The following SPAG17 variants were observed in gnomAD, a reference collection of about 807,000 sequenced individuals.
SPAG17 encodes sperm associated antigen 17.
SPAG17 carries 169 observed loss-of-function variants against 273.6 expected under a neutral mutation model. That is an observed-to-expected ratio of 0.62 (90% CI 0.55 to 0.70). The LOEUF (loss-of-function observed/expected upper bound fraction) is 0.70, where lower values mean the gene tolerates loss of function less well. Ranked by LOEUF, SPAG17 falls within the 30% of genes least tolerant of loss-of-function variation. SPAG17 has a pLI of 0.00. For synonymous variants in SPAG17, 825 were observed against 873.2 expected, an observed-to-expected ratio of 0.94 and a Z score of 0.97; for missense variants, 2,557 against 2,627.8, an observed-to-expected ratio of 0.97 and a Z score of 0.59.
At chr1:117,958,237 C>T (rs1652504370) in intron 48 of SPAG17, among the ~76,000 whole-genome samples, 1 of 152,210 alleles carries the variant, frequency 6.6e-6, no homozygotes, top group African/African-American at 2.4e-5. Context: ...TTCTTATACT[C>T]TATCCAGGAT....
At chr1:118,145,516 G>T (rs1658927044) in intron 3 of SPAG17, among the ~76,000 whole-genome samples, 2 of 152,060 alleles carry the variant, frequency 1.3e-5, no homozygotes, top group South Asian at 4.1e-4. Context: ...TAGATCTGAA[G>T]ATCTAATTTG....
intron 28 of SPAG17, among the ~76,000 whole-genome samples, chr1:118,017,406 A>T (rs1660081501): frequency 6.6e-6 from 1 of 152,160 alleles, no homozygotes; most frequent in Non-Finnish European, 1.5e-5. Context: ...GTATACACAG[A>T]CAACTACTAG....
chr1:117,955,114 T>C, intron 48 of SPAG17: 1 of 473,444 alleles, frequency 2.1e-6, no homozygotes, highest in Non-Finnish European at 3.7e-6. Context: ...CTGGCTTGAC[T>C]TGTAGCATAG....
chr1:118,023,243 C>T (rs571239524), intron 28 of SPAG17, 61 bp downstream of exon 28: 8 of 1,296,670 alleles, frequency 6.2e-6, no homozygotes, highest in African/African-American at 4.5e-5. Flanking sequence ...ATATTGAACA[C>T]TTATTAAGCC....
chr1:118,171,053 T>G (rs908482410), intron 1 of SPAG17, among the ~76,000 whole-genome samples: 1 of 152,210 alleles, frequency 6.6e-6, no homozygotes, highest in Admixed American at 6.5e-5. Flanking sequence ...TAAAGGGCTC[T>G]TTTAAAAACC....
At chr1:118,079,300 T>C (rs1314883418) in intron 15 of SPAG17, among the ~76,000 whole-genome samples, 1 of 152,086 alleles carries the variant, frequency 6.6e-6, no homozygotes, top group Non-Finnish European at 1.5e-5. Flanking sequence ...ATTGGTAAGT[T>C]ATTCTTTTCC....
chr1:118,132,092 G>A (rs1658084054), intron 3 of SPAG17, among the ~76,000 whole-genome samples: 1 of 152,222 alleles, frequency 6.6e-6, no homozygotes, highest in African/African-American at 2.4e-5. Context: ...GCTGTGCCCA[G>A]CAGTGGAGGT....
At chr1:118,112,430 A>G (rs1656822829) in intron 4 of SPAG17, among the ~76,000 whole-genome samples, 1 of 152,102 alleles carries the variant, frequency 6.6e-6, no homozygotes, top group Non-Finnish European at 1.5e-5. Flanking sequence ...TTATTAACAG[A>G]TAGAAATAAA....
chr1:118,015,007 G>C (rs1008151141), intron 29 of SPAG17, among the ~76,000 whole-genome samples: 2 of 152,144 alleles, frequency 1.3e-5, no homozygotes, highest in African/African-American at 4.8e-5. Flanking sequence ...ATAGAGGGCC[G>C]GGCGTGGTGG....
chr1:118,034,913 A>G (rs1305759998), intron 24 of SPAG17, among the ~76,000 whole-genome samples: 1 of 152,192 alleles, frequency 6.6e-6, no homozygotes, highest in Admixed American at 6.5e-5. Context: ...GCAAGAAGGT[A>G]CAAAGTAATG....
intron 28 of SPAG17, among the ~76,000 whole-genome samples, chr1:118,018,620 C>T (rs948310484): frequency 2.0e-5 from 3 of 151,508 alleles, no homozygotes; most frequent in African/African-American, 7.3e-5. Context: ...ATTGCTTAAG[C>T]CCAAGAGTTT....
At chr1:118,063,947 A>G (rs1391251158) in intron 18 of SPAG17, among the ~76,000 whole-genome samples, 1 of 152,220 alleles carries the variant, frequency 6.6e-6, no homozygotes, top group Non-Finnish European at 1.5e-5. Context: ...ACACTTCTCA[A>G]AAGAAGACAT....
chr1:118,113,116 CAT>C (rs1380013837), intron 4 of SPAG17, among the ~76,000 whole-genome samples: 1 of 151,930 alleles, frequency 6.6e-6, no homozygotes, highest in Non-Finnish European at 1.5e-5. Flanking sequence ...AAAAATTAAA[CAT>C]AGAAGATACA....
At chr1:118,129,522 T>C (rs1657935997) in intron 3 of SPAG17, among the ~76,000 whole-genome samples, 1 of 152,164 alleles carries the variant, frequency 6.6e-6, no homozygotes, top group South Asian at 2.1e-4. Context: ...TTGTACCTGG[T>C]TTCTTATGTG....
rs1016475158 is a variant in SPAG17 at position 118,154,576 on chromosome 1, A to G, written c.88-3207T>C. On this transcript the variant is annotated intron_variant, in intron 1 of 48. Transcript: ENST00000336338. ...TATTTCAGGGTAACCAGAGATTCCA[A>G]ACTTCCACCAACTGGCGGCATTTTT... 5.3e-5 allele frequency among the ~76,000 whole-genome samples: 8 copies of G among 152,276 alleles called. No individual in the cohort carries two copies. The South Asian group carries it at 1.7e-3, about 32-fold the overall frequency.
intron 18 of SPAG17, among the ~76,000 whole-genome samples, chr1:118,063,682 C>G (rs923555053): frequency 6.6e-6 from 1 of 152,162 alleles, no homozygotes; most frequent in Non-Finnish European, 1.5e-5. Context: ...TGGGCAAGGA[C>G]TTCACGTCTA....
At chr1:118,079,562 A>G (rs1209461320) in intron 15 of SPAG17, among the ~76,000 whole-genome samples, 1 of 151,020 alleles carries the variant, frequency 6.6e-6, no homozygotes, top group Non-Finnish European at 1.5e-5. Context: ...CTATGTTTCT[A>G]TGTTTTCTAT....
At chr1:118,032,716 T>C (rs574396608) in intron 24 of SPAG17, among the ~76,000 whole-genome samples, 61 of 152,078 alleles carry the variant, frequency 4.0e-4, no homozygotes, top group African/African-American at 1.4e-3. Flanking sequence ...CTCGGCCTCC[T>C]GAGCAGCTGG....
chr1:118,037,195 C>A (rs1411894708), intron 23 of SPAG17, among the ~76,000 whole-genome samples: 1 of 152,164 alleles, frequency 6.6e-6, no homozygotes, highest in African/African-American at 2.4e-5. Flanking sequence ...TTAAAACCAT[C>A]AGTTCAGTTT....
Sources: gnomAD v4.1 joint callset for allele counts (sites outside exome capture counted in the v4.1 genomes callset) on GRCh38, gnomAD v4.1.1 for gene constraint, MANE v1.5 for transcripts, NCBI Gene and HGNC (gene_info 2026-07-23, HGNC 2026-07-21) for gene names.